USH2A: variants seen among roughly 807,000 people sequenced by gnomAD.
USH2A encodes the protein usherin.
Under a neutral mutation model 538.9 loss-of-function variants are expected in USH2A, and 443 were observed. That is an observed-to-expected ratio of 0.82 (90% CI 0.76 to 0.89). The LOEUF is 0.89. Ranked by LOEUF, USH2A falls within the 40% of genes least tolerant of loss-of-function variation. USH2A has a pLI of 0.00. For missense variants in USH2A, 6,633 were observed against 6,324.8 expected (o/e 1.05, Z -1.65); for synonymous variants, 2,413 against 2,273.5 (o/e 1.06, Z -1.75).
intron 44 of USH2A, among the ~76,000 whole-genome samples, chr1:215,853,463 G>T (rs1664075189): frequency 6.6e-6 from 1 of 152,198 alleles, no homozygotes. Flanking sequence ...TTTCCCCATT[G>T]TCTTGGGGAT....
At chr1:216,337,150 G>A (rs1449569516) in intron 4 of USH2A, among the ~76,000 whole-genome samples, 2 of 151,390 alleles carry the variant, frequency 1.3e-5, no homozygotes, top group Non-Finnish European at 3.0e-5. Context: ...TAGGGGAAAA[G>A]TGTTTTAAAA....
chr1:215,854,930 C>T (rs1037089948), intron 44 of USH2A, among the ~76,000 whole-genome samples: 16 of 152,166 alleles, frequency 1.1e-4, no homozygotes, highest in Admixed American at 2.0e-4. Context: ...CAGCTGCTGG[C>T]ATTCATCCAT....
At chr1:216,212,384 C>G (rs1368416839) in intron 15 of USH2A, among the ~76,000 whole-genome samples, 1 of 152,142 alleles carries the variant, frequency 6.6e-6, no homozygotes, top group Non-Finnish European at 1.5e-5. Context: ...CATGAGAGAA[C>G]TTGAACCTTT....
rs545533416 is a variant in USH2A, at chr1:215,825,305, T to G, written c.9372-8110A>C. ...GGCCTCAAGCAATTCTGACTCAGCC[T>G]CCCAACTAGTTAGGATTACAGATGC... On this transcript the variant is annotated intron_variant, in intron 47 of 71. Coordinates refer to ENST00000307340, the MANE Select transcript of USH2A (RefSeq NM_206933.4). Among the ~76,000 whole-genome samples, 11 of 152,186 alleles carry G rather than the reference T, an allele frequency of 7.2e-5. No individual in the cohort carries two copies. In the South Asian group the frequency reaches 1.9e-3, roughly 26 times the overall value.
At chr1:216,209,090 A>G (rs1442977550) in intron 15 of USH2A, among the ~76,000 whole-genome samples, 2 of 152,310 alleles carry the variant, frequency 1.3e-5, no homozygotes, top group East Asian at 1.9e-4. Flanking sequence ...CCAAAGGCCA[A>G]CTTTGTAAGC....
chr1:215,723,568 C>CA (rs1205500042), intron 61 of USH2A, among the ~76,000 whole-genome samples: 2 of 152,210 alleles, frequency 1.3e-5, no homozygotes, highest in African/African-American at 4.8e-5. Context: ...AATGCATTAG[C>CA]AGTACCTCTT....
chr1:216,322,875 T>C (rs1459381619), intron 8 of USH2A, among the ~76,000 whole-genome samples: 2 of 152,098 alleles, frequency 1.3e-5, no homozygotes, highest in African/African-American at 4.8e-5. Context: ...TACATTTCTA[T>C]ATTAGACAGT....
At chr1:216,395,301 C>T (rs2039192203) in intron 3 of USH2A, among the ~76,000 whole-genome samples, 1 of 152,126 alleles carries the variant, frequency 6.6e-6, no homozygotes, top group Non-Finnish European at 1.5e-5. Context: ...CTTTAAGTAA[C>T]TTAACATTAT....
chr1:215,858,171 G>A (rs1397701416), intron 44 of USH2A, among the ~76,000 whole-genome samples: 5 of 151,870 alleles, frequency 3.3e-5, no homozygotes, highest in Non-Finnish European at 7.4e-5. Context: ...GTGTATATTG[G>A]GATATATTTT....
chr1:215,840,650 C>T (rs1273848991), intron 46 of USH2A, among the ~76,000 whole-genome samples: 1 of 152,104 alleles, frequency 6.6e-6, no homozygotes. Context: ...CACTTTTAAA[C>T]GTTAACTCTT....
chr1:216,420,389 G>C (rs1045334502), intron 2 of USH2A, among the ~76,000 whole-genome samples: 1 of 151,996 alleles, frequency 6.6e-6, no homozygotes, highest in Non-Finnish European at 1.5e-5. Context: ...TTAGGAACTG[G>C]ATTTATTCTG....
At chr1:215,693,028 T>C (rs1246693090) in intron 61 of USH2A, among the ~76,000 whole-genome samples, 1 of 151,182 alleles carries the variant, frequency 6.6e-6, no homozygotes, top group African/African-American at 2.4e-5. Flanking sequence ...CTCAGCCTCC[T>C]GAGTCACCAC....
In USH2A at chr1:215,813,872, C is replaced by T; in HGVS notation, c.9603G>A (p.Lys3201=). ...TTTCTTCACAACAGCGATGTCCAGG[C>T]TTGGGGTTATAGAGCACTCCGTTAC... ...VCCNGVLYNP[K]PGHRCCEEKY... Residue 3201 remains lysine (K), a synonymous_variant, in exon 49 of 72, where the codon AAG becomes AAA. Coordinates refer to ENST00000307340, the MANE Select transcript of USH2A (RefSeq NM_206933.4). The T allele has an allele frequency of 6.2e-7, 1 of 1,613,748 alleles. No homozygotes were observed. Among genetic ancestry groups the T allele is most frequent in the Non-Finnish European group, 8.5e-7 (1 of 1,179,816 alleles).
intron 3 of USH2A, among the ~76,000 whole-genome samples, chr1:216,382,270 G>A (rs1211450118): frequency 6.6e-6 from 1 of 152,178 alleles, no homozygotes. Context: ...CAGATTTTGA[G>A]ATAAGAAAAG....
chr1:215,856,436 A>G (rs1027724959), intron 44 of USH2A, among the ~76,000 whole-genome samples: 1 of 152,174 alleles, frequency 6.6e-6, no homozygotes, highest in Non-Finnish European at 1.5e-5. Flanking sequence ...TGGCCAAAAA[A>G]CATATGAAAA....
chr1:216,002,998 C>T (rs1002449572), intron 32 of USH2A, among the ~76,000 whole-genome samples: 3 of 152,090 alleles, frequency 2.0e-5, no homozygotes, highest in African/African-American at 7.2e-5. Context: ...AGCCCTAAAC[C>T]CACCCAGAAT....
intron 38 of USH2A, among the ~76,000 whole-genome samples, chr1:215,917,886 C>A (rs1666001298): frequency 6.6e-6 from 1 of 151,674 alleles, no homozygotes; most frequent in Non-Finnish European, 1.5e-5. Context: ...TTGCTTGAGC[C>A]CAGGAGATTG....
intron 49 of USH2A, among the ~76,000 whole-genome samples, chr1:215,801,928 C>G (rs1442270719): frequency 1.3e-5 from 2 of 151,880 alleles, no homozygotes; most frequent in African/African-American, 2.4e-5. Context: ...GACACATAGA[C>G]CAATGGGATA....
At position 215,743,605 on chromosome 1, in the gene USH2A, G is replaced by T. The variant is rs545126971; in HGVS notation, c.11390-270C>A. 4.0e-5 allele frequency among the ~76,000 whole-genome samples: 6 copies of T among 151,336 alleles called. No individual in the cohort carries two copies. The East Asian group carries it at 9.8e-4, about 25-fold the overall frequency. On this transcript the variant is annotated intron_variant, in intron 58 of 71. Coordinates refer to ENST00000307340, the MANE Select transcript of USH2A (RefSeq NM_206933.4). Reference sequence around the variant, plus strand: ...GCACTTTGGGAGGTTGAGGTGGGCTGATCACAAGGTCAGGAGATGGAGACC... The same window carrying T: ...GCACTTTGGGAGGTTGAGGTGGGCTTATCACAAGGTCAGGAGATGGAGACC...
Sources: gnomAD v4.1 joint callset for allele counts (sites outside exome capture counted in the v4.1 genomes callset) on GRCh38, gnomAD v4.1.1 for gene constraint, MANE v1.5 for transcripts, NCBI Gene and HGNC (gene_info 2026-07-23, HGNC 2026-07-21) for gene names.